IFT74: variants seen among roughly 807,000 people sequenced by gnomAD.
IFT74 encodes the protein intraflagellar transport protein 74 homolog.
In IFT74, 92 loss-of-function variants were observed where a neutral mutation model predicts 96.7. The observed-to-expected ratio is 0.95, with a 90% confidence interval of 0.80 to 1.13. IFT74 has a LOEUF of 1.13. Among genes scored for constraint, IFT74 ranks in the 50% most tolerant of loss-of-function variants. The probability of loss-of-function intolerance (pLI) is 0.00; values close to 1 mark genes in which losing one functional copy is unlikely to be tolerated. For synonymous variants in IFT74, 223 were observed against 213.2 expected (o/e 1.05, Z -0.40); for missense variants, 811 against 698.2 (o/e 1.16, Z -1.82).
intron 12 of IFT74, among the ~76,000 whole-genome samples, chr9:27,020,890 T>A (rs1829568705): frequency 6.6e-6 from 1 of 152,168 alleles, no homozygotes; most frequent in Admixed American, 6.6e-5. Context: ...GTGTCCACTC[T>A]ACCCACTGTG....
At chr9:26,966,284 C>A (rs765711043) in intron 2 of IFT74, among the ~76,000 whole-genome samples, 10 of 151,936 alleles carry the variant, frequency 6.6e-5, no homozygotes, top group Admixed American at 1.3e-4. Flanking sequence ...AACTTACATT[C>A]CCCCCAACAC....
In IFT74 at chr9:26,990,079, A is replaced by G. The variant is rs1827798915; in HGVS notation, c.526-55A>G. Reference sequence around the variant, plus strand: ...TTCCTAGCCAAAATAACCTACAAAGAAAAAATTTGGTTTAATATTTATTTC... The same window carrying G: ...TTCCTAGCCAAAATAACCTACAAAGGAAAAATTTGGTTTAATATTTATTTC... On this transcript the variant is annotated intron_variant, in intron 7 of 19. Transcript: ENST00000380062. 5 of 1,075,672 alleles carry G rather than the reference A, an allele frequency of 4.6e-6. No individual in the cohort carries two copies. In the South Asian group the frequency reaches 8.1e-5, roughly 17 times the overall value. 66.6% of individuals were successfully genotyped at this position (1,075,672 alleles called of 1,614,324 possible). A position where few individuals can be genotyped will look rare whatever the true frequency, so the allele number is the denominator to read the frequency against.
chr9:26,996,284 T>C (rs1828150807), intron 8 of IFT74: 2 of 1,302,136 alleles, frequency 1.5e-6, no homozygotes, highest in African/African-American at 3.0e-5. Flanking sequence ...CATTCAGCAG[T>C]GTTAATATAT....
intron 9 of IFT74, among the ~76,000 whole-genome samples, chr9:27,009,982 T>C (rs1319017715): frequency 2.0e-5 from 3 of 152,060 alleles, no homozygotes; most frequent in Admixed American, 2.0e-4. Context: ...TTTTTTTTTT[T>C]TTAATTTAAA....
At chr9:26,958,441 C>G (rs7037860) in intron 1 of IFT74, among the ~76,000 whole-genome samples, 7,217 of 152,226 alleles carry the variant, frequency 0.047, 229 homozygotes, top group South Asian at 0.13. Context: ...AATAGTCCAC[C>G]TGAGTCAGTG....
Position 26,995,834 on chromosome 9 carries a change from C to T in IFT74, c.587+5639C>T. On this transcript the variant is annotated intron_variant, in intron 8 of 19. Coordinates refer to ENST00000380062, the MANE Select transcript of IFT74 (RefSeq NM_025103.4). ...ACCAACAAGAAAAGCCCAACTTTTTCCAAGAGGTTCATGTTCTTTAATGGA... is the reference window on the plus strand; with the variant it reads ...ACCAACAAGAAAAGCCCAACTTTTTTCAAGAGGTTCATGTTCTTTAATGGA... 8 of 1,601,932 alleles carry T rather than the reference C, an allele frequency of 5.0e-6. No individual in the cohort carries two copies. The South Asian group carries it at 5.6e-5, about 11-fold the overall frequency.
chr9:26,997,686 G>A (rs1378241186), intron 8 of IFT74: 5 of 1,538,654 alleles, frequency 3.2e-6, no homozygotes, highest in Non-Finnish European at 4.4e-6. Context: ...GTGGAACATT[G>A]AGTTAATCAC....
At chr9:26,959,248 A>G (rs948079689) in intron 1 of IFT74, among the ~76,000 whole-genome samples, 1 of 152,146 alleles carries the variant, frequency 6.6e-6, no homozygotes, top group Admixed American at 6.5e-5. Flanking sequence ...GGCTGGGACT[A>G]CAGACACTCG....
At chr9:27,030,938 A>G (rs933693315) in intron 13 of IFT74, among the ~76,000 whole-genome samples, 3 of 152,198 alleles carry the variant, frequency 2.0e-5, no homozygotes, top group Non-Finnish European at 4.4e-5. Context: ...TATTTTTAAT[A>G]AGGATGTTTT....
Position 27,016,887 on chromosome 9 carries a change from C to A in IFT74, c.790-20C>A, listed in dbSNP as rs751042259. On this transcript the variant is annotated intron_variant, in intron 10 of 19. Transcript: ENST00000380062. ...TTGATAAAATACTAATTAAAACTTT[C>A]CCTTCTTATTTTCCTTTAGGAAATA... 2.5e-6 allele frequency: 4 copies of A among 1,571,438 alleles called. No individual in the cohort carries two copies. Among genetic ancestry groups the A allele is most frequent in the Non-Finnish European group, 3.4e-6 (4 of 1,162,542 alleles).
chr9:27,060,557 G>A lies in IFT74; in HGVS notation c.1624-34G>A, dbSNP rs376612433. 2.5e-4 allele frequency: 345 copies of A among 1,401,760 alleles called. 1 individual carries two copies. Among genetic ancestry groups the A allele is most frequent in the Admixed American group, 4.6e-4 (25 of 54,620 alleles). 86.8% of individuals were successfully genotyped at this position (1,401,760 alleles called of 1,614,324 possible). On this transcript the variant is annotated intron_variant, in intron 18 of 19. Coordinates refer to ENST00000380062, the MANE Select transcript of IFT74 (RefSeq NM_025103.4). ...AAGGCATTTAATTGTTTTAAATATG[G>A]GTCCTAATTAATATTTTTCTTTTAT...
intron 3 of IFT74, among the ~76,000 whole-genome samples, chr9:26,980,364 A>C (rs1165282207): frequency 6.6e-6 from 1 of 152,090 alleles, no homozygotes; most frequent in Non-Finnish European, 1.5e-5. Context: ...CTCTAGTCCC[A>C]TCTTCGTAGT....
At chr9:26,990,672 A>G (rs1169744144) in intron 8 of IFT74, among the ~76,000 whole-genome samples, 2 of 152,238 alleles carry the variant, frequency 1.3e-5, no homozygotes, top group African/African-American at 4.8e-5. Flanking sequence ...TCTAAAGACT[A>G]AATACCAACT....
intron 10 of IFT74, among the ~76,000 whole-genome samples, chr9:27,012,290 G>A (rs914691316): frequency 9.9e-5 from 15 of 152,140 alleles, no homozygotes; most frequent in African/African-American, 2.4e-4. Context: ...TGACATGATC[G>A]TAGCTCACTG....
intron 1 of IFT74, among the ~76,000 whole-genome samples, chr9:26,948,161 T>C (rs1482967851): frequency 2.6e-5 from 4 of 152,238 alleles, no homozygotes; most frequent in Non-Finnish European, 5.9e-5. Context: ...AAATGCTGAC[T>C]TTTGATACTT....
At chr9:26,951,828 G>T (rs1308555708), upstream of IFT74, among the ~76,000 whole-genome samples, 3 of 152,128 alleles carry the variant, frequency 2.0e-5, no homozygotes, top group African/African-American at 7.2e-5. Flanking sequence ...AACCTGGGAG[G>T]CAGAGGTTGC....
intron 2 of IFT74, among the ~76,000 whole-genome samples, chr9:26,975,304 G>T (rs1367799757): frequency 6.6e-6 from 1 of 152,096 alleles, no homozygotes; most frequent in East Asian, 1.9e-4. Flanking sequence ...AGGAGGACAG[G>T]TTCTTGCCTC....
chr9:27,025,172 C>T (rs546535120), intron 12 of IFT74, among the ~76,000 whole-genome samples: 73 of 151,986 alleles, frequency 4.8e-4, no homozygotes, highest in South Asian at 1.0e-3. Flanking sequence ...TGGCTGAGCA[C>T]GGTGGCTCAC....
intron 2 of IFT74, among the ~76,000 whole-genome samples, chr9:26,974,992 A>T (rs528741200): frequency 6.6e-6 from 1 of 152,120 alleles, no homozygotes; most frequent in Non-Finnish European, 1.5e-5. Flanking sequence ...ACATTGTTCT[A>T]TCTCACGTTG....
Sources: gnomAD v4.1 joint callset for allele counts (sites outside exome capture counted in the v4.1 genomes callset) on GRCh38, gnomAD v4.1.1 for gene constraint, MANE v1.5 for transcripts, NCBI Gene and HGNC (gene_info 2026-07-23, HGNC 2026-07-21) for gene names.